The following PKNOX2 variants were observed in gnomAD, a reference collection of about 807,000 sequenced individuals.
PKNOX2 encodes the protein homeobox protein PKNOX2.
Under a neutral mutation model 53.1 loss-of-function variants are expected in PKNOX2, and 14 were observed. That is an observed-to-expected ratio of 0.26 (90% CI 0.17 to 0.41). PKNOX2 has a LOEUF of 0.41. PKNOX2 is among the 10% of genes least tolerant of loss of function. The pLI is 1.00. For missense variants in PKNOX2, 496 were observed against 602.8 expected (o/e 0.82, Z 1.85); for synonymous variants, 257 against 242.8 (o/e 1.06, Z -0.54).
intron 1 of PKNOX2, among the ~76,000 whole-genome samples, chr11:125,177,180 T>C (rs1955771446): frequency 1.3e-5 from 2 of 152,210 alleles, no homozygotes; most frequent in South Asian, 4.1e-4. Flanking sequence ...GGGAGTCAAC[T>C]TGACAATGTC....
chr11:125,228,811 C>A (rs767970151), intron 1 of PKNOX2, among the ~76,000 whole-genome samples: 2 of 152,152 alleles, frequency 1.3e-5, no homozygotes, highest in African/African-American at 2.4e-5. Flanking sequence ...GTCTGATGGC[C>A]ATTACCCTTT....
At chr11:125,373,643 G>A (rs142988928) in intron 5 of PKNOX2, among the ~76,000 whole-genome samples, 16 of 152,294 alleles carry the variant, frequency 1.1e-4, no homozygotes, top group African/African-American at 2.9e-4. Flanking sequence ...GCTGAGAGGC[G>A]GCGCAGCAAG....
At chr11:125,274,336 G>T (rs536167481) in intron 2 of PKNOX2, among the ~76,000 whole-genome samples, 1 of 152,102 alleles carries the variant, frequency 6.6e-6, no homozygotes, top group African/African-American at 2.4e-5. Flanking sequence ...GAGCCTGAAG[G>T]GTAAGGGATA....
At chr11:125,201,385 GA>G (rs3083786) in intron 1 of PKNOX2, among the ~76,000 whole-genome samples, 1,867 of 150,560 alleles carry the variant, frequency 0.012, 35 homozygotes, top group African/African-American at 0.042. Flanking sequence ...TTCCTTGGTA[GA>G]AAAAAAAAAA....
chr11:125,233,568 G>C (rs143037849), intron 1 of PKNOX2, among the ~76,000 whole-genome samples: 19 of 152,260 alleles, frequency 1.2e-4, no homozygotes, highest in Middle Eastern at 3.4e-3. Flanking sequence ...AGAAGACATG[G>C]TCCTTTTCCT....
At chr11:125,282,564 G>A (rs1946634356) in intron 2 of PKNOX2, among the ~76,000 whole-genome samples, 1 of 152,192 alleles carries the variant, frequency 6.6e-6, no homozygotes, top group Non-Finnish European at 1.5e-5. Flanking sequence ...ACGTTCCCAG[G>A]TGATGCTGCT....
chr11:125,373,115 G>A (rs1184384773), intron 5 of PKNOX2, among the ~76,000 whole-genome samples: 1 of 152,230 alleles, frequency 6.6e-6, no homozygotes. Context: ...ATGGCCCTGT[G>A]TTGGGCAGTG....
rs1954810896 is a variant in PKNOX2, at chr11:125,165,651, C to T, written c.-201+875C>T. On this transcript the variant is annotated intron_variant, in intron 1 of 12. Coordinates refer to ENST00000298282, the MANE Select transcript of PKNOX2 (RefSeq NM_001382323.2). This position sits in a 1 kb window ranked among gnomAD's most constrained non-coding sequence, Gnocchi z 4.5. ...GATCCGAGGGGCTACACGCACGGAC[C>T]CTCACCCAGGGAGGAGCGAGAATGT... is the stretch of plus-strand genomic sequence containing the variant. Among the ~76,000 whole-genome samples the T allele has an allele frequency of 1.3e-5, 2 of 152,148 alleles. No individual in the cohort carries two copies. The highest frequency in any genetic ancestry group is 6.5e-5 in the Admixed American group (1 of 15,290).
intron 9 of PKNOX2, 132 bp downstream of exon 9, chr11:125,411,008 C>T: frequency 1.4e-6 from 1 of 735,542 alleles, no homozygotes; most frequent in Non-Finnish European, 2.3e-6. Context: ...ATCATTACCC[C>T]TACTTTACAG....
intron 5 of PKNOX2, among the ~76,000 whole-genome samples, chr11:125,380,814 A>AC (rs1262643388): frequency 2.6e-5 from 4 of 152,058 alleles, no homozygotes; most frequent in Non-Finnish European, 5.9e-5. Flanking sequence ...CTCAGGGTAG[A>AC]CCCCCAAGCC....
At chr11:125,270,315 C>G (rs1945690259) in intron 2 of PKNOX2, among the ~76,000 whole-genome samples, 1 of 152,202 alleles carries the variant, frequency 6.6e-6, no homozygotes, top group Admixed American at 6.5e-5. Context: ...CTTCCCTCTG[C>G]AGGTGGGTGA....
At chr11:125,190,818 C>T (rs1440877863) in intron 1 of PKNOX2, among the ~76,000 whole-genome samples, 1 of 152,246 alleles carries the variant, frequency 6.6e-6, no homozygotes, top group African/African-American at 2.4e-5. Context: ...CCCCTCAGCA[C>T]TCTCTCCTCC....
chr11:125,316,872 C>T (rs1949229454), intron 2 of PKNOX2, among the ~76,000 whole-genome samples: 1 of 152,170 alleles, frequency 6.6e-6, no homozygotes, highest in Non-Finnish European at 1.5e-5. Flanking sequence ...TATTGACAGA[C>T]TCACCGTCTC....
intron 6 of PKNOX2, among the ~76,000 whole-genome samples, chr11:125,395,583 G>T (rs1954328157): frequency 6.6e-6 from 1 of 152,094 alleles, no homozygotes; most frequent in African/African-American, 2.4e-5. Flanking sequence ...CCAGCATTTG[G>T]TGTTGTCATA....
chr11:125,357,280 A>T lies in PKNOX2; in HGVS notation c.87+5888A>T, dbSNP rs530690390. 2.9e-4 allele frequency among the ~76,000 whole-genome samples: 44 copies of T among 152,146 alleles called. 1 individual carries two copies. The highest frequency in any genetic ancestry group is 1.3e-3 in the Admixed American group (20 of 15,294). On this transcript the variant is annotated intron_variant, in intron 4 of 12. Transcript: ENST00000298282. ...ATCCCTGAACTCCAACTTACTCAAG[A>T]CCTGGACTCTTCATTGTGTAAAAGG...
At chr11:125,411,470 CT>C (rs1955514871) in intron 9 of PKNOX2, 2 of 302,732 alleles carry the variant, frequency 6.6e-6, no homozygotes, top group South Asian at 2.8e-5. Context: ...CTTTCTCTCT[CT>C]CTCTCTCTCT....
chr11:125,263,245 T>G (rs1454184238), intron 2 of PKNOX2, among the ~76,000 whole-genome samples: 3 of 152,198 alleles, frequency 2.0e-5, no homozygotes, highest in Non-Finnish European at 4.4e-5. Flanking sequence ...GGAGACCTCC[T>G]CTCTCTAGAG....
chr11:125,289,829 A>T (rs979649408), intron 2 of PKNOX2, among the ~76,000 whole-genome samples: 1 of 152,210 alleles, frequency 6.6e-6, no homozygotes, highest in Non-Finnish European at 1.5e-5. Flanking sequence ...CTCGGTGCTC[A>T]TTAGCTGTGT....
intron 2 of PKNOX2, among the ~76,000 whole-genome samples, chr11:125,271,927 G>T (rs1591507326): frequency 1.3e-5 from 2 of 152,310 alleles, no homozygotes; most frequent in South Asian, 4.2e-4. Flanking sequence ...CGAGTCCCTT[G>T]GCTCTGTTAA....
Sources: allele counts gnomAD v4.1 joint callset (sites outside exome capture counted in the v4.1 genomes callset), GRCh38; gene constraint gnomAD v4.1.1; non-coding constraint Gnocchi (gnomAD v3.1); transcripts MANE v1.5; gene names NCBI Gene and HGNC (gene_info 2026-07-23, HGNC 2026-07-21).